EFCAB11: variants seen among roughly 807,000 people sequenced by gnomAD.
EFCAB11 encodes EF-hand calcium binding domain 11.
In EFCAB11, 14 loss-of-function variants were observed where a neutral mutation model predicts 23.0. That is an observed-to-expected ratio of 0.61 (90% CI 0.40 to 0.95). EFCAB11 has a LOEUF of 0.95. Among genes scored for constraint, EFCAB11 ranks in the 40% least tolerant of loss-of-function variants. The probability of loss-of-function intolerance (pLI) is 0.00; values close to 1 mark genes in which losing one functional copy is unlikely to be tolerated. For synonymous variants in EFCAB11, 65 were observed against 66.6 expected, an observed-to-expected ratio of 0.98 and a Z score of 0.11; for missense variants, 198 against 195.8, an observed-to-expected ratio of 1.01 and a Z score of -0.07.
At chr14:89,932,047 C>T (rs1890408666) in intron 4 of EFCAB11, among the ~76,000 whole-genome samples, 1 of 152,148 alleles carries the variant, frequency 6.6e-6, no homozygotes, top group African/African-American at 2.4e-5. Context: ...GAAACCATAA[C>T]AGCAGTCAAG....
At chr14:89,888,816 T>C (rs1888871927) in intron 5 of EFCAB11, among the ~76,000 whole-genome samples, 1 of 152,188 alleles carries the variant, frequency 6.6e-6, no homozygotes, top group Admixed American at 6.5e-5. Context: ...ATTTCTGTTG[T>C]TTATAAGCCA....
At chr14:89,927,622 G>C (rs1441378582) in intron 5 of EFCAB11, among the ~76,000 whole-genome samples, 3 of 152,098 alleles carry the variant, frequency 2.0e-5, no homozygotes, top group Non-Finnish European at 4.4e-5. Flanking sequence ...CTGAAATAAG[G>C]ATATGTGTGA....
chr14:89,950,579 G>A (rs536059589), intron 2 of EFCAB11, among the ~76,000 whole-genome samples: 2 of 152,038 alleles, frequency 1.3e-5, no homozygotes, highest in African/African-American at 2.4e-5. Context: ...AAATTATGAA[G>A]AAAATTAAAA....
At chr14:89,890,026 G>A (rs959243199) in intron 5 of EFCAB11, among the ~76,000 whole-genome samples, 1 of 152,116 alleles carries the variant, frequency 6.6e-6, no homozygotes, top group East Asian at 1.9e-4. Context: ...TGGCCCTTGG[G>A]GACCCATCAA....
At chr14:89,857,090 C>T (rs1887776717) in intron 5 of EFCAB11, among the ~76,000 whole-genome samples, 1 of 152,210 alleles carries the variant, frequency 6.6e-6, no homozygotes, top group African/African-American at 2.4e-5. Context: ...CTTTGAAGCT[C>T]AAACTCTGCC....
intron 5 of EFCAB11, among the ~76,000 whole-genome samples, chr14:89,816,459 G>A (rs991260803): frequency 6.6e-6 from 1 of 152,130 alleles, no homozygotes; most frequent in African/African-American, 2.4e-5. Flanking sequence ...AAAGAAATAT[G>A]TTCTTCTCAT....
At chr14:89,807,294 G>A (rs1266338728) in intron 5 of EFCAB11, among the ~76,000 whole-genome samples, 2 of 152,182 alleles carry the variant, frequency 1.3e-5, no homozygotes, top group Non-Finnish European at 2.9e-5. Flanking sequence ...CACAAAGGAG[G>A]CAATAAAATG....
At chr14:89,831,184 A>T (rs1886871477) in intron 5 of EFCAB11, 1 of 152,292 alleles carries the variant, frequency 6.6e-6, no homozygotes, top group South Asian at 2.1e-4. Context: ...GAGGGTAAGA[A>T]AAAGAAAGGA....
chr14:89,885,786 A>G (rs1708310722), intron 5 of EFCAB11, among the ~76,000 whole-genome samples: 1 of 151,674 alleles, frequency 6.6e-6, no homozygotes, highest in South Asian at 2.1e-4. Context: ...AAAGAGAGAA[A>G]GAAAGAAAGA....
At chr14:89,842,597 AATATG>A (rs72285203) in intron 5 of EFCAB11, among the ~76,000 whole-genome samples, 1,723 of 70,792 alleles carry the variant, frequency 0.024, 13 homozygotes, top group Middle Eastern at 0.041. Context: ...AATATGATAT[AATATG>A]ATATGATATG....
intron 5 of EFCAB11, among the ~76,000 whole-genome samples, chr14:89,869,391 T>TG (rs1888197063): frequency 6.6e-6 from 1 of 152,138 alleles, no homozygotes; most frequent in Non-Finnish European, 1.5e-5. Context: ...TCTAATGTAT[T>TG]GGGGGCTCCT....
intron 1 of EFCAB11, 115 bp from the exon 2 acceptor site, chr14:89,954,116 G>T: frequency 1.0e-6 from 1 of 954,886 alleles, no homozygotes; most frequent in Non-Finnish European, 1.5e-6. Flanking sequence ...GGTAGAGTAT[G>T]AAAATAGAAT....
chr14:89,888,737 C>T (rs1888868983), intron 5 of EFCAB11, among the ~76,000 whole-genome samples: 2 of 152,198 alleles, frequency 1.3e-5, no homozygotes, highest in Admixed American at 1.3e-4. Flanking sequence ...AAAGTGGGCC[C>T]TCCCCAGACT....
chr14:89,909,766 A>G (rs1320804849), intron 5 of EFCAB11, among the ~76,000 whole-genome samples: 2 of 152,144 alleles, frequency 1.3e-5, no homozygotes, highest in Non-Finnish European at 2.9e-5. Flanking sequence ...AAATAGGTGT[A>G]TTTGATAGTA....
chr14:89,820,554 A>G (rs1365903874), intron 5 of EFCAB11, among the ~76,000 whole-genome samples: 1 of 151,602 alleles, frequency 6.6e-6, no homozygotes, highest in Non-Finnish European at 1.5e-5. Flanking sequence ...GACAGGCGAC[A>G]TCACATATTT....
chr14:89,901,502 G>A (rs1362272649), intron 5 of EFCAB11, among the ~76,000 whole-genome samples: 2 of 152,130 alleles, frequency 1.3e-5, no homozygotes, highest in African/African-American at 4.8e-5. Flanking sequence ...GGCCCAGCAC[G>A]CACCAAGAAA....
At chr14:89,802,321 T>A (rs1264041135) in intron 5 of EFCAB11, among the ~76,000 whole-genome samples, 1 of 152,054 alleles carries the variant, frequency 6.6e-6, no homozygotes, top group Non-Finnish European at 1.5e-5. Context: ...TATTTTTAAG[T>A]GGGAGCAAGA....
Position 89,954,614 on chromosome 14 carries a change from C to G in EFCAB11, c.47G>C (p.Ser16Thr), listed in dbSNP as rs763179671. 1.2e-6 allele frequency: 2 copies of G among 1,613,806 alleles called. No individual in the cohort carries two copies. Among genetic ancestry groups the G allele is most frequent in the Admixed American group, 1.7e-5 (1 of 60,018 alleles). The stretch of plus-strand genomic sequence containing the variant: ...CACCCACTTCCTGTGTTCCGAGGGA[C>G]TGGCTTCCCACGTCCGCGACCTGGC... The part of the protein sequence containing the change: ...ARARSRTWEA[S>T]PSEHRKWVEV... Residue 16 changes from serine to threonine, a missense_variant, in exon 1 of 6, where the codon AGT (serine) becomes ACT (threonine). Physicochemically the swap from Ser to Thr is moderately conservative, Grantham distance 58. Coordinates refer to ENST00000316738, the MANE Select transcript of EFCAB11 (RefSeq NM_145231.4).
At chr14:89,806,115 T>C (rs899939618) in intron 5 of EFCAB11, among the ~76,000 whole-genome samples, 2 of 152,098 alleles carry the variant, frequency 1.3e-5, no homozygotes, top group African/African-American at 4.8e-5. Context: ...ACGGAATAAA[T>C]TCTCCAGTCC....
Sources: gnomAD v4.1 joint callset for allele counts (sites outside exome capture counted in the v4.1 genomes callset) on GRCh38, gnomAD v4.1.1 for gene constraint, MANE v1.5 for transcripts, NCBI Gene and HGNC (gene_info 2026-07-23, HGNC 2026-07-21) for gene names.